OSBPL9: variants seen among roughly 807,000 people sequenced by gnomAD.
The protein encoded by OSBPL9 is oxysterol binding protein like 9.
OSBPL9 carries 40 observed loss-of-function variants against 106.6 expected under a neutral mutation model. That is an observed-to-expected ratio of 0.38 (90% CI 0.29 to 0.49). The LOEUF is 0.49. OSBPL9 is among the 20% of genes least tolerant of loss of function. The probability of loss-of-function intolerance (pLI) is 0.97; values close to 1 mark genes in which losing one functional copy is unlikely to be tolerated. For synonymous variants in OSBPL9, 269 were observed against 295.4 expected, an observed-to-expected ratio of 0.91 and a Z score of 0.92; for missense variants, 609 against 887.2, an observed-to-expected ratio of 0.69 and a Z score of 3.98.
chr1:51,636,638 C>T (rs1488239475), intron 1 of OSBPL9, among the ~76,000 whole-genome samples: 1 of 151,926 alleles, frequency 6.6e-6, no homozygotes, highest in African/African-American at 2.4e-5. Context: ...ACACCCAACC[C>T]AAATTGTCTT....
At chr1:51,676,627 C>G (rs1017777972) in intron 3 of OSBPL9, among the ~76,000 whole-genome samples, 1 of 148,426 alleles carries the variant, frequency 6.7e-6, no homozygotes, top group Non-Finnish European at 1.5e-5. Flanking sequence ...CCACTGCACT[C>G]CAGCCTGGCC....
chr1:51,526,378 G>A, the OSBPL9 span, among the ~76,000 whole-genome samples: 1 of 152,172 alleles, frequency 6.6e-6, no homozygotes, highest in Admixed American at 6.5e-5. Flanking sequence ...TGGAAGGGGT[G>A]TTAGAAAATA....
Position 51,784,721 on chromosome 1 carries a change from C to CT in OSBPL9, c.1829+143dup. The CT allele has an allele frequency of 4.8e-6, 5 of 1,034,656 alleles. 1 individual carries two copies. The South Asian group carries it at 8.3e-5, about 17-fold the overall frequency. 64.1% of individuals were successfully genotyped at this position (1,034,656 alleles called of 1,614,324 possible). On this transcript the variant is annotated intron_variant, in intron 20 of 23. Transcript: ENST00000428468. Reference sequence around the variant, plus strand: ...GTGTTTCACATTTTATGTGTCATGTCTTTTGCTGAAGTCCCATATCAGAAG... The same window carrying CT: ...GTGTTTCACATTTTATGTGTCATGTCTTTTTGCTGAAGTCCCATATCAGAAG...
At chr1:51,624,661 A>G (rs1295574949) in intron 1 of OSBPL9, among the ~76,000 whole-genome samples, 1 of 152,210 alleles carries the variant, frequency 6.6e-6, no homozygotes. Flanking sequence ...ACTCTCTAAG[A>G]TAGTGAGTAG....
At chr1:51,707,763 G>A in intron 3 of OSBPL9, 1 of 174,920 alleles carries the variant, frequency 5.7e-6, no homozygotes, top group South Asian at 1.4e-4. Context: ...AAACATGGGG[G>A]TGTCAGCAGA....
the OSBPL9 span, among the ~76,000 whole-genome samples, chr1:51,545,105 A>G: frequency 6.6e-6 from 1 of 152,134 alleles, no homozygotes; most frequent in African/African-American, 2.4e-5. Context: ...TGGCCTCCCA[A>G]TGTGCTGGGA....
chr1:51,529,998 G>A, the OSBPL9 span, among the ~76,000 whole-genome samples: 23 of 150,934 alleles, frequency 1.5e-4, no homozygotes, highest in Non-Finnish European at 2.7e-4. Context: ...GGTGAAACCC[G>A]TGTCTACTAA....
chr1:51,565,130 G>T, the OSBPL9 span, among the ~76,000 whole-genome samples: 1 of 152,138 alleles, frequency 6.6e-6, no homozygotes, highest in African/African-American at 2.4e-5. Flanking sequence ...TTAGGGGCTG[G>T]ACTCCAGTTA....
the OSBPL9 span, among the ~76,000 whole-genome samples, chr1:51,530,180 A>AAAAAAAAAAAAAAAAAC: frequency 8.7e-6 from 1 of 114,456 alleles, no homozygotes; most frequent in Non-Finnish European, 1.8e-5. Flanking sequence ...CAAAAAAAAA[A>AAAAAAAAAAAAAAAAAC]AAAAAAAAAA....
At chr1:51,591,836 G>T (rs1036102716) in intron 1 of OSBPL9, among the ~76,000 whole-genome samples, 1 of 151,984 alleles carries the variant, frequency 6.6e-6, no homozygotes, top group African/African-American at 2.4e-5. Context: ...TTGGTATCTC[G>T]CTAATATATA....
chr1:51,762,019 T>G (rs1671627876), intron 11 of OSBPL9, 48 bp downstream of exon 11: 4 of 1,395,644 alleles, frequency 2.9e-6, no homozygotes, highest in Non-Finnish European at 4.1e-6. Context: ...TATTAACATT[T>G]GAGGTTTGTT....
chr1:51,615,113 AGC>A (rs1644019874), upstream of OSBPL9, among the ~76,000 whole-genome samples: 2 of 152,186 alleles, frequency 1.3e-5, no homozygotes, highest in Non-Finnish European at 2.9e-5. Flanking sequence ...TACAAAAGTT[AGC>A]CAGGCGAGCG....
chr1:51,787,651 TAGTA>T (rs1305988837), intron 23 of OSBPL9, 60 bp from the exon 24 acceptor site: 3 of 1,594,258 alleles, frequency 1.9e-6, no homozygotes, highest in African/African-American at 1.3e-5. Context: ...AGATATGAAA[TAGTA>T]AGTATATTAC....
the OSBPL9 span, among the ~76,000 whole-genome samples, chr1:51,525,632 A>C: frequency 6.6e-6 from 1 of 152,154 alleles, no homozygotes; most frequent in Non-Finnish European, 1.5e-5. Flanking sequence ...CCAAGATCCT[A>C]ATTTCCAGGT....
chr1:51,722,620 G>T (rs1180954745), intron 4 of OSBPL9, among the ~76,000 whole-genome samples: 1 of 152,194 alleles, frequency 6.6e-6, no homozygotes, highest in Non-Finnish European at 1.5e-5. Flanking sequence ...GCGTTGTGGG[G>T]TTGTATAGAG....
At chr1:51,701,075 G>A (rs1297262040) in intron 3 of OSBPL9, among the ~76,000 whole-genome samples, 2 of 152,108 alleles carry the variant, frequency 1.3e-5, no homozygotes, top group African/African-American at 4.8e-5. Flanking sequence ...AAGTAGCTGA[G>A]ATTACAGGCA....
chr1:51,559,440 T>C, the OSBPL9 span, among the ~76,000 whole-genome samples: 14 of 147,536 alleles, frequency 9.5e-5, no homozygotes, highest in African/African-American at 2.2e-4. Context: ...CACACATACA[T>C]ACACACACAC....
intron 1 of OSBPL9, among the ~76,000 whole-genome samples, chr1:51,592,218 G>A (rs550886719): frequency 3.8e-4 from 56 of 147,526 alleles, no homozygotes; most frequent in African/African-American, 1.3e-3. Flanking sequence ...AGGTTCAAGC[G>A]ATTCTCCTGC....
chr1:51,625,239 T>G (rs973331045), intron 1 of OSBPL9, among the ~76,000 whole-genome samples: 1 of 152,216 alleles, frequency 6.6e-6, no homozygotes, highest in Non-Finnish European at 1.5e-5. Context: ...TGTAGAAAGA[T>G]GTAGAGTTGT....
Sources: allele counts gnomAD v4.1 joint callset (sites outside exome capture counted in the v4.1 genomes callset), GRCh38; gene constraint gnomAD v4.1.1; transcripts MANE v1.5; gene names NCBI Gene and HGNC (gene_info 2026-07-23, HGNC 2026-07-21).